Variants in ARHGAP28 observed in about 807,000 individuals in gnomAD.
ARHGAP28 encodes the protein Rho GTPase activating protein 28.
ARHGAP28 carries 56 observed loss-of-function variants against 90.7 expected under a neutral mutation model. The ratio of observed to expected loss-of-function variants is 0.62; its 90% CI spans 0.50 to 0.77. ARHGAP28 has a LOEUF of 0.77. Among genes scored for constraint, ARHGAP28 ranks in the 30% least tolerant of loss-of-function variants. The pLI, the probability that ARHGAP28 is intolerant of heterozygous loss-of-function variation, is 0.00. For synonymous variants in ARHGAP28, 308 were observed against 323.3 expected, an observed-to-expected ratio of 0.95 and a Z score of 0.51; for missense variants, 869 against 900.9, an observed-to-expected ratio of 0.96 and a Z score of 0.45.
chr18:6,745,328 T>A (rs938271067), intron 1 of ARHGAP28, among the ~76,000 whole-genome samples: 5 of 152,144 alleles, frequency 3.3e-5, no homozygotes, highest in Non-Finnish European at 7.4e-5. Flanking sequence ...TTTCTTCACC[T>A]TTTTTTCTCT....
intron 16 of ARHGAP28, chr18:6,898,208 A>G (rs2057317783): frequency 3.1e-6 from 1 of 326,940 alleles, no homozygotes. Flanking sequence ...AAAATCTCAG[A>G]AATTACCACT....
chr18:6,888,802 G>GTC (rs150496048), intron 12 of ARHGAP28, among the ~76,000 whole-genome samples: 383 of 150,218 alleles, frequency 2.5e-3, no homozygotes, highest in African/African-American at 8.3e-3. Context: ...CACATGCACT[G>GTC]TCTCTCTCTC....
chr18:6,844,566 A>G (rs1368834721), intron 3 of ARHGAP28, among the ~76,000 whole-genome samples: 1 of 152,252 alleles, frequency 6.6e-6, no homozygotes, highest in Non-Finnish European at 1.5e-5. Flanking sequence ...ATACATAACA[A>G]GTGATTTATT....
At chr18:6,876,023 A>G in intron 9 of ARHGAP28, 108 bp from the exon 10 acceptor site, 1 of 897,370 alleles carries the variant, frequency 1.1e-6, no homozygotes, top group Non-Finnish European at 1.8e-6. Flanking sequence ...TGCCAGGCAA[A>G]TATATATATG....
intron 1 of ARHGAP28, among the ~76,000 whole-genome samples, chr18:6,780,620 G>A (rs980892497): frequency 1.4e-4 from 22 of 152,248 alleles, no homozygotes; most frequent in African/African-American, 5.1e-4. Flanking sequence ...CAGGTGCGGT[G>A]GCTCATGCCT....
chr18:6,770,114 G>A (rs2056230541), intron 1 of ARHGAP28, among the ~76,000 whole-genome samples: 2 of 152,178 alleles, frequency 1.3e-5, no homozygotes, highest in Non-Finnish European at 1.5e-5. Context: ...GTTGCAAAGT[G>A]TACATAAGCA....
At chr18:6,822,417 A>G (rs555027232) in intron 1 of ARHGAP28, among the ~76,000 whole-genome samples, 1 of 152,300 alleles carries the variant, frequency 6.6e-6, no homozygotes, top group South Asian at 2.1e-4. Context: ...CTAGTACTCT[A>G]TGAGTTTGTG....
chr18:6,881,059 A>T (rs1413083803), intron 10 of ARHGAP28, among the ~76,000 whole-genome samples: 1 of 152,206 alleles, frequency 6.6e-6, no homozygotes, highest in Admixed American at 6.5e-5. Flanking sequence ...TGATCTTATC[A>T]GTAGAGGTTA....
At chr18:6,874,248 A>G (rs1396232431) in intron 9 of ARHGAP28, among the ~76,000 whole-genome samples, 2 of 152,206 alleles carry the variant, frequency 1.3e-5, no homozygotes, top group Admixed American at 6.5e-5. Flanking sequence ...CATTTTATCA[A>G]TTTTCCAAAC....
At chr18:6,891,673 G>A (rs923674664) in intron 14 of ARHGAP28, among the ~76,000 whole-genome samples, 2 of 151,810 alleles carry the variant, frequency 1.3e-5, no homozygotes, top group Admixed American at 6.6e-5. Context: ...CTGCAACCTC[G>A]AACTCCTGGG....
intron 9 of ARHGAP28, chr18:6,875,025 T>C (rs934365520): frequency 5.3e-5 from 8 of 152,202 alleles, no homozygotes; most frequent in African/African-American, 1.9e-4. Flanking sequence ...TTTTCTTTCC[T>C]TCATTGAGTT....
chr18:6,890,539 G>T lies in ARHGAP28; in HGVS notation c.1844G>T (p.Arg615Leu), dbSNP rs74414891. Reference sequence around the variant, plus strand: ...CTGCTCAGGAGGAAGACCCTCGAGCGGGAGGTAAGACAGCAAATGAGGCAT... The same window carrying T: ...CTGCTCAGGAGGAAGACCCTCGAGCTGGAGGTAAGACAGCAAATGAGGCAT... The part of the protein sequence containing the change: ...RKLLRRKTLE[R>L]ETASPKTSKV... Residue 615 changes from arginine (R) to leucine (L), a missense_variant, in exon 14 of 18, where the codon CGG becomes CTG. Physicochemically the swap from Arg to Leu is moderately radical, Grantham distance 102. Transcript: ENST00000383472. The T allele has an allele frequency of 3.2e-3, 5,186 of 1,604,088 alleles. 57 individuals carry two copies. Among genetic ancestry groups the T allele is most frequent in the South Asian group, 0.026 (2,288 of 89,688 alleles).
At chr18:6,857,185 G>A (rs916699235) in intron 4 of ARHGAP28, among the ~76,000 whole-genome samples, 9 of 152,064 alleles carry the variant, frequency 5.9e-5, no homozygotes, top group Admixed American at 2.0e-4. Context: ...ACTTAGTAAG[G>A]AATAATTTAA....
chr18:6,898,718 C>T, intron 16 of ARHGAP28: 9 of 1,378,242 alleles, frequency 6.5e-6, no homozygotes, highest in Non-Finnish European at 8.5e-6. Flanking sequence ...TGTATTAGAA[C>T]TAATGACTGC....
intron 2 of ARHGAP28, among the ~76,000 whole-genome samples, chr18:6,828,827 CCTGT>C (rs1415622526): frequency 6.6e-6 from 1 of 152,130 alleles, no homozygotes; most frequent in Non-Finnish European, 1.5e-5. Context: ...TCTTCCAGGC[CCTGT>C]CTGTCAACAA....
chr18:6,819,394 C>G (rs1269750596), intron 1 of ARHGAP28, among the ~76,000 whole-genome samples: 1 of 152,078 alleles, frequency 6.6e-6, no homozygotes, highest in African/African-American at 2.4e-5. Context: ...ACAAAGAAGT[C>G]TGAAGGAGCC....
In ARHGAP28 at chr18:6,890,479, T is replaced by G. The variant is rs2057256352; in HGVS notation, c.1784T>G (p.Met595Arg). 1 of 1,613,562 alleles carries G rather than the reference T, an allele frequency of 6.2e-7. No homozygotes were observed. Among genetic ancestry groups the G allele is most frequent in the Non-Finnish European group, 8.5e-7 (1 of 1,179,860 alleles). Residue 595 changes from methionine to arginine, a missense_variant, in exon 14 of 18, where the codon ATG (methionine) becomes AGG (arginine). Physicochemically the swap from Met to Arg is moderately conservative, Grantham distance 91. Coordinates refer to ENST00000383472, the MANE Select transcript of ARHGAP28 (RefSeq NM_001366230.1). The part of the protein sequence containing the change: ...TQVRRMNEAT[M>R]LLKKQLPSVR... ...GTAAGAAGAATGAATGAAGCCACGA[T>G]GCTATTGAAGAAGCAGCTCCCAAGT...
In ARHGAP28 at chr18:6,750,064, T is replaced by C. The variant is rs981829830; in HGVS notation, c.122+20121T>C. Among the ~76,000 whole-genome samples the C allele has an allele frequency of 3.3e-5, 5 of 152,190 alleles. No individual in the cohort carries two copies. In the East Asian group the frequency reaches 7.7e-4, roughly 23 times the overall value. On this transcript the variant is annotated intron_variant, in intron 1 of 17. Coordinates refer to ENST00000383472, the MANE Select transcript of ARHGAP28 (RefSeq NM_001366230.1). ...TTGGAGAAGGCAACTTAAACTCCCATGCCTTACTGGGTGCCTACTCTCACG... is the reference window on the plus strand; with the variant it reads ...TTGGAGAAGGCAACTTAAACTCCCACGCCTTACTGGGTGCCTACTCTCACG...
At chr18:6,788,029 A>G (rs1296790300) in intron 1 of ARHGAP28, among the ~76,000 whole-genome samples, 1 of 152,146 alleles carries the variant, frequency 6.6e-6, no homozygotes, top group Non-Finnish European at 1.5e-5. Context: ...AGGCATCTGC[A>G]TGTCTGTAGT....
Sources: allele counts gnomAD v4.1 joint callset (sites outside exome capture counted in the v4.1 genomes callset), GRCh38; gene constraint gnomAD v4.1.1; transcripts MANE v1.5; gene names NCBI Gene and HGNC (gene_info 2026-07-23, HGNC 2026-07-21).